Variants in LAMA2 observed in about 807,000 individuals in gnomAD.
LAMA2 encodes laminin subunit alpha 2.
Under a neutral mutation model 364.8 loss-of-function variants are expected in LAMA2, and 269 were observed. That is an observed-to-expected ratio of 0.74 (90% CI 0.67 to 0.82). LAMA2 has a LOEUF of 0.82. Ranked by LOEUF, LAMA2 falls within the 40% of genes least tolerant of loss-of-function variation. The pLI is 0.00. For synonymous variants in LAMA2, 1,379 were observed against 1,370.6 expected (o/e 1.01, Z -0.14); for missense variants, 3,807 against 3,873.2 (o/e 0.98, Z 0.45).
intron 8 of LAMA2, among the ~76,000 whole-genome samples, chr6:129,163,069 A>AT (rs1322562273): frequency 1.3e-5 from 2 of 151,884 alleles, no homozygotes; most frequent in African/African-American, 4.8e-5. Flanking sequence ...ATAAATTGAG[A>AT]TTTTATTCCA....
At chr6:128,945,433 C>T (rs1408356530) in intron 1 of LAMA2, among the ~76,000 whole-genome samples, 2 of 152,212 alleles carry the variant, frequency 1.3e-5, no homozygotes, top group Non-Finnish European at 2.9e-5. Context: ...CAGTGAAGAA[C>T]AGCTGCTTTT....
At chr6:128,969,007 G>A (rs1287293908) in intron 1 of LAMA2, among the ~76,000 whole-genome samples, 5 of 152,168 alleles carry the variant, frequency 3.3e-5, no homozygotes. Flanking sequence ...AGAAGACTTT[G>A]GTAGGTTCGG....
chr6:129,245,758 G>A (rs903163046), intron 12 of LAMA2, among the ~76,000 whole-genome samples: 1 of 151,944 alleles, frequency 6.6e-6, no homozygotes, highest in Non-Finnish European at 1.5e-5. Context: ...TTTTTCTTTA[G>A]TCTTCTTACT....
intron 61 of LAMA2, among the ~76,000 whole-genome samples, chr6:129,505,749 GTCTCAATCTCC>G (rs2114903223): frequency 6.6e-6 from 1 of 151,956 alleles, no homozygotes; most frequent in Admixed American, 6.5e-5. Context: ...AGCCAGGATG[GTCTCAATCTCC>G]TGACCTCATG....
chr6:129,444,993 T>A (rs1042665659), intron 44 of LAMA2, among the ~76,000 whole-genome samples: 2 of 152,238 alleles, frequency 1.3e-5, no homozygotes, highest in African/African-American at 4.8e-5. Flanking sequence ...ACTTTGAAAT[T>A]GCCAATATGT....
intron 1 of LAMA2, among the ~76,000 whole-genome samples, chr6:129,039,338 A>G (rs1786913682): frequency 6.6e-6 from 1 of 152,216 alleles, no homozygotes; most frequent in Non-Finnish European, 1.5e-5. Context: ...AGCATTTTCA[A>G]AATGCCTGCT....
chr6:129,439,852 A>C (rs1008845157), intron 42 of LAMA2, among the ~76,000 whole-genome samples: 3 of 145,522 alleles, frequency 2.1e-5, no homozygotes, highest in African/African-American at 5.2e-5. Flanking sequence ...ATATATATCT[A>C]TCTCAATTGG....
At chr6:128,998,858 C>G in intron 1 of LAMA2, among the ~76,000 whole-genome samples, 1 of 1,804 alleles carries the variant, frequency 5.5e-4, no homozygotes, top group Non-Finnish European at 1.4e-3. Flanking sequence ...CTTAGGTAAA[C>G]AAAGCAGCCG....
At chr6:129,510,509 G>A (rs1786486155) in intron 62 of LAMA2, among the ~76,000 whole-genome samples, 1 of 152,102 alleles carries the variant, frequency 6.6e-6, no homozygotes. Flanking sequence ...ATACGTGTAT[G>A]TTCATTAGAA....
chr6:129,270,542 A>G, intron 16 of LAMA2, 82 bp from the exon 17 acceptor site: 2 of 1,403,810 alleles, frequency 1.4e-6, no homozygotes, highest in South Asian at 2.3e-5. Flanking sequence ...GGAGCAGACT[A>G]ATGACTTCGT....
At chr6:129,311,496 T>C (rs1774229423) in intron 22 of LAMA2, among the ~76,000 whole-genome samples, 3 of 152,304 alleles carry the variant, frequency 2.0e-5, no homozygotes, top group African/African-American at 4.8e-5. Context: ...CCAAGGCCTC[T>C]ATTGACTAAG....
chr6:128,883,345 C>T lies in LAMA2; in HGVS notation c.100C>T (p.His34Tyr), dbSNP rs374090280. 1 of 1,598,056 alleles carries T rather than the reference C, an allele frequency of 6.3e-7. No individual in the cohort carries two copies. Among genetic ancestry groups the T allele is most frequent in the Non-Finnish European group, 8.5e-7 (1 of 1,172,588 alleles). ...GCAGCAGCAGCGGCAGTCACAGGCA[C>T]ATCAGCAAAGAGGTACAGTCGAGGC... is the stretch of plus-strand genomic sequence containing the variant. ...RPQQQRQSQA[H>Y]QQRGLFPAVL... The change falls in exon 1 of 65, where the codon CAT (histidine) becomes TAT (tyrosine). Residue 34 changes from histidine (H) to tyrosine (Y), a missense_variant. Around this residue, in one of 3 missense-constraint regions of LAMA2, gnomAD observed 394 missense variants for 403.5 expected, o/e 0.98. Transcript: ENST00000421865.
intron 3 of LAMA2, among the ~76,000 whole-genome samples, chr6:129,064,342 T>G (rs1213292296): frequency 3.3e-5 from 4 of 120,392 alleles, no homozygotes; most frequent in Admixed American, 8.6e-5. Flanking sequence ...ATTAACAACC[T>G]AAGGTTACAT....
chr6:128,919,905 GT>G (rs1406404895), intron 1 of LAMA2, among the ~76,000 whole-genome samples: 1 of 152,120 alleles, frequency 6.6e-6, no homozygotes, highest in Non-Finnish European at 1.5e-5. Flanking sequence ...AAGTGGACTG[GT>G]TTAGATGATG....
At chr6:129,037,743 C>G (rs1786752109) in intron 1 of LAMA2, among the ~76,000 whole-genome samples, 1 of 150,586 alleles carries the variant, frequency 6.6e-6, no homozygotes, top group African/African-American at 2.5e-5. Context: ...GATCTCTGCT[C>G]ACTGCAAGCT....
chr6:129,230,321 G>A (rs529461099), intron 12 of LAMA2, among the ~76,000 whole-genome samples: 131 of 152,190 alleles, frequency 8.6e-4, no homozygotes, highest in African/African-American at 2.5e-3. Flanking sequence ...CAATGCATTC[G>A]ACCAATGACC....
intron 4 of LAMA2, among the ~76,000 whole-genome samples, chr6:129,107,914 C>G (rs1435991292): frequency 1.3e-5 from 2 of 152,078 alleles, no homozygotes; most frequent in African/African-American, 4.8e-5. Context: ...GCTCAGGAGT[C>G]CCCCCTCCTA....
intron 58 of LAMA2, among the ~76,000 whole-genome samples, chr6:129,498,610 C>T (rs1267367692): frequency 1.3e-5 from 2 of 152,108 alleles, no homozygotes; most frequent in Non-Finnish European, 2.9e-5. Context: ...ACTTATTCAT[C>T]CATAAAGAAA....
At chr6:129,148,401 C>T (rs1301875728) in intron 6 of LAMA2, among the ~76,000 whole-genome samples, 1 of 152,012 alleles carries the variant, frequency 6.6e-6, no homozygotes. Flanking sequence ...ACAGCTAATG[C>T]ATGCAGGGTG....
Sources: gnomAD v4.1 joint callset for allele counts (sites outside exome capture counted in the v4.1 genomes callset) on GRCh38, gnomAD v4.1.1 for gene constraint, gnomAD v4.1.1 regional missense constraint, MANE v1.5 for transcripts, NCBI Gene and HGNC (gene_info 2026-07-23, HGNC 2026-07-21) for gene names.